Variants in CABCOCO1 observed in about 807,000 individuals in gnomAD.
The protein encoded by CABCOCO1 is ciliary-associated calcium-binding coiled-coil protein 1.
In CABCOCO1, 28 loss-of-function variants were observed where a neutral mutation model predicts 35.7. The ratio of observed to expected loss-of-function variants is 0.78; its 90% CI spans 0.58 to 1.07. CABCOCO1 has a LOEUF of 1.07. CABCOCO1 is among the 50% of genes least tolerant of loss of function. The pLI, the probability that CABCOCO1 is intolerant of heterozygous loss-of-function variation, is 0.00. For synonymous variants in CABCOCO1, 95 were observed against 100.1 expected, an observed-to-expected ratio of 0.95 and a Z score of 0.30; for missense variants, 326 against 309.2, an observed-to-expected ratio of 1.05 and a Z score of -0.41.
chr10:61,706,651 C>A (rs1393195807), intron 5 of CABCOCO1, among the ~76,000 whole-genome samples: 1 of 152,098 alleles, frequency 6.6e-6, no homozygotes, highest in East Asian at 1.9e-4. Flanking sequence ...TTCTACCCTA[C>A]ATTGTGCCTC....
intron 4 of CABCOCO1, among the ~76,000 whole-genome samples, chr10:61,687,610 C>T (rs1221442102): frequency 6.6e-6 from 1 of 152,158 alleles, no homozygotes; most frequent in Non-Finnish European, 1.5e-5. Flanking sequence ...TTTTCCCCTT[C>T]ATCTCGTCTC....
chr10:61,761,282 A>C (rs181264631), intron 7 of CABCOCO1, among the ~76,000 whole-genome samples: 3 of 152,138 alleles, frequency 2.0e-5, no homozygotes, highest in Admixed American at 2.0e-4. Flanking sequence ...TATCTTGTCA[A>C]ACTGTAAATG....
chr10:61,695,551 T>A (rs1426436986), intron 5 of CABCOCO1, among the ~76,000 whole-genome samples: 2 of 152,028 alleles, frequency 1.3e-5, no homozygotes, highest in Non-Finnish European at 2.9e-5. Flanking sequence ...CCAAAATACA[T>A]GTAAATCCAT....
At chr10:61,744,002 T>C (rs548243368) in intron 5 of CABCOCO1, among the ~76,000 whole-genome samples, 1 of 152,290 alleles carries the variant, frequency 6.6e-6, no homozygotes, top group South Asian at 2.1e-4. Flanking sequence ...GACTGAGACC[T>C]CCTCAAAAGT....
chr10:61,741,507 G>A (rs1221934480), intron 5 of CABCOCO1, among the ~76,000 whole-genome samples: 3 of 152,158 alleles, frequency 2.0e-5, no homozygotes, highest in Non-Finnish European at 2.9e-5. Flanking sequence ...TTTAGCTAAT[G>A]TATGAAGAAA....
At chr10:61,684,722 C>G (rs1026139858) in intron 3 of CABCOCO1, among the ~76,000 whole-genome samples, 2 of 152,136 alleles carry the variant, frequency 1.3e-5, no homozygotes, top group Non-Finnish European at 2.9e-5. Flanking sequence ...CCAGTATCCT[C>G]TGTCTTATGT....
intron 1 of CABCOCO1, among the ~76,000 whole-genome samples, chr10:61,669,737 A>G (rs1249867810): frequency 1.3e-5 from 2 of 152,246 alleles, no homozygotes; most frequent in East Asian, 3.9e-4. Context: ...AGTACTGTCC[A>G]AAAGGTTAAG....
chr10:61,663,127 C>G, intron 1 of CABCOCO1, 95 bp downstream of exon 1: 1 of 206,010 alleles, frequency 4.9e-6, no homozygotes, highest in Non-Finnish European at 1.1e-5. Context: ...CAAGCCAAAT[C>G]CGGTCTCCGA....
chr10:61,681,216 G>T lies in CABCOCO1; in HGVS notation c.238G>T (p.Val80Leu), dbSNP rs745348268. ...GGATGCCATTCTACTAGATTATTAT[G>T]TATCTGGATTTTTGTGGGCTAGAGG... ...LKDAILLDYY[V>L]SGFLWARGMD... Residue 80 changes from valine (V) to leucine (L), a missense_variant, in exon 3 of 8, where the codon GTA (valine) becomes TTA (leucine). Coordinates refer to ENST00000648843, the MANE Select transcript of CABCOCO1 (RefSeq NM_001366906.2). 11 of 1,549,148 alleles carry T rather than the reference G, an allele frequency of 7.1e-6. No homozygotes were observed. Among genetic ancestry groups the T allele is most frequent in the Non-Finnish European group, 3.5e-6 (4 of 1,140,996 alleles).
At chr10:61,671,470 T>A (rs1839358767) in intron 1 of CABCOCO1, among the ~76,000 whole-genome samples, 1 of 152,062 alleles carries the variant, frequency 6.6e-6, no homozygotes, top group Non-Finnish European at 1.5e-5. Flanking sequence ...ATTAGGGAAA[T>A]CTTTTCAGCA....
chr10:61,696,837 G>C (rs1322380837), intron 5 of CABCOCO1, among the ~76,000 whole-genome samples: 2 of 151,710 alleles, frequency 1.3e-5, no homozygotes, highest in Non-Finnish European at 2.9e-5. Context: ...TAGTTTCTTT[G>C]ATAAAATAAG....
intron 5 of CABCOCO1, among the ~76,000 whole-genome samples, chr10:61,735,399 C>G (rs1009522927): frequency 6.6e-6 from 1 of 152,020 alleles, no homozygotes; most frequent in Admixed American, 6.6e-5. Flanking sequence ...AGCTATAACC[C>G]TTAAATCTTT....
At chr10:61,684,539 TACA>T (rs1327415315) in intron 3 of CABCOCO1, among the ~76,000 whole-genome samples, 1 of 152,144 alleles carries the variant, frequency 6.6e-6, no homozygotes, top group African/African-American at 2.4e-5. Context: ...AAATCAACAT[TACA>T]ACAAGTGTAA....
intron 5 of CABCOCO1, among the ~76,000 whole-genome samples, chr10:61,737,690 A>C (rs1193316766): frequency 6.6e-6 from 1 of 152,200 alleles, no homozygotes; most frequent in African/African-American, 2.4e-5. Flanking sequence ...CATCTTTAGC[A>C]AACTAACACA....
intron 5 of CABCOCO1, among the ~76,000 whole-genome samples, chr10:61,694,153 G>A (rs1266503523): frequency 6.6e-6 from 1 of 151,372 alleles, no homozygotes; most frequent in Non-Finnish European, 1.5e-5. Context: ...CTAGATTACT[G>A]AAGTGGGATC....
In CABCOCO1 at chr10:61,680,516, T is replaced by C. The variant is rs371094257; in HGVS notation, c.165-627T>C. Reference sequence around the variant, plus strand: ...ATTATATGTTATATTATGTTATATATAACATATTATATGTTATATTATGTT... The same window carrying C: ...ATTATATGTTATATTATGTTATATACAACATATTATATGTTATATTATGTT... On this transcript the variant is annotated intron_variant, in intron 2 of 7. Coordinates refer to ENST00000648843, the MANE Select transcript of CABCOCO1 (RefSeq NM_001366906.2). Among the ~76,000 whole-genome samples, 75 of 138,322 alleles carry C rather than the reference T, an allele frequency of 5.4e-4. No homozygotes were observed. In the East Asian group the frequency reaches 0.014, roughly 26 times the overall value. The allele number at this position is 138,322 out of a possible 152,430, so 90.7% of individuals were successfully genotyped here.
At chr10:61,760,681 T>G (rs981094884) in intron 6 of CABCOCO1, among the ~76,000 whole-genome samples, 182 bp from the exon 7 acceptor site, 2 of 152,016 alleles carry the variant, frequency 1.3e-5, no homozygotes, top group Non-Finnish European at 2.9e-5. Flanking sequence ...GATGACAGGT[T>G]GATAGGTGCA....
At chr10:61,745,127 T>A (rs556989207) in intron 5 of CABCOCO1, among the ~76,000 whole-genome samples, 37 of 152,320 alleles carry the variant, frequency 2.4e-4, no homozygotes, top group African/African-American at 8.2e-4. Context: ...GTGTTTTTCA[T>A]AGTCTATGAC....
chr10:61,688,820 T>C (rs893352939), intron 4 of CABCOCO1, among the ~76,000 whole-genome samples: 2 of 152,192 alleles, frequency 1.3e-5, no homozygotes, highest in Non-Finnish European at 2.9e-5. Flanking sequence ...ATCTAGGAAG[T>C]TGAGTCAGTC....
Sources: allele counts gnomAD v4.1 joint callset (sites outside exome capture counted in the v4.1 genomes callset), GRCh38; gene constraint gnomAD v4.1.1; transcripts MANE v1.5; gene names NCBI Gene and HGNC (gene_info 2026-07-23, HGNC 2026-07-21).